The following SNX29 variants were observed in gnomAD, a reference collection of about 807,000 sequenced individuals.
SNX29 encodes sorting nexin-29.
Under a neutral mutation model 102.1 loss-of-function variants are expected in SNX29, and 78 were observed. The ratio of observed to expected loss-of-function variants is 0.76; its 90% CI spans 0.64 to 0.92. SNX29 has a LOEUF of 0.92. SNX29 is among the 40% of genes least tolerant of loss of function. The pLI is 0.00. For missense variants in SNX29, 1,280 were observed against 1,061.7 expected (o/e 1.21, Z -2.86); for synonymous variants, 580 against 414.5 (o/e 1.40, Z -4.85).
intron 18 of SNX29, among the ~76,000 whole-genome samples, chr16:12,404,821 G>C (rs1243012903): frequency 6.6e-6 from 1 of 152,128 alleles, no homozygotes; most frequent in Non-Finnish European, 1.5e-5. Context: ...GCCTGCAGTA[G>C]ACACTCTATT....
intron 14 of SNX29, among the ~76,000 whole-genome samples, chr16:12,214,994 C>T (rs2077283058): frequency 1.3e-5 from 2 of 152,190 alleles, no homozygotes; most frequent in Admixed American, 6.5e-5. Flanking sequence ...GCTTCCAAAA[C>T]AGTGCCTGGT....
intron 14 of SNX29, among the ~76,000 whole-genome samples, chr16:12,255,817 T>C (rs1195097369): frequency 1.3e-5 from 2 of 152,246 alleles, no homozygotes; most frequent in African/African-American, 4.8e-5. Context: ...CTATTGTGAA[T>C]AGTGCTGCAA....
intron 20 of SNX29, among the ~76,000 whole-genome samples, chr16:12,532,227 T>A (rs2076951044): frequency 6.6e-6 from 1 of 152,236 alleles, no homozygotes; most frequent in South Asian, 2.1e-4. Flanking sequence ...ATGTAAATTG[T>A]GTACTTTCTG....
intron 15 of SNX29, among the ~76,000 whole-genome samples, chr16:12,320,735 A>C (rs1242499045): frequency 6.6e-6 from 1 of 152,220 alleles, no homozygotes; most frequent in Non-Finnish European, 1.5e-5. Context: ...ATAAGAGAAC[A>C]ACATCACCAT....
chr16:11,990,020 G>A (rs145247662), intron 1 of SNX29, among the ~76,000 whole-genome samples: 4 of 152,332 alleles, frequency 2.6e-5, no homozygotes, highest in Non-Finnish European at 5.9e-5. Context: ...TGTCAGGTCT[G>A]TCACCTCTGA....
chr16:12,151,667 T>G (rs576001241), intron 13 of SNX29, among the ~76,000 whole-genome samples: 2 of 152,314 alleles, frequency 1.3e-5, no homozygotes, highest in Admixed American at 1.3e-4. Flanking sequence ...TCATTTCCCC[T>G]CCTCATTATG....
chr16:12,508,598 G>A (rs2089477052), intron 19 of SNX29, among the ~76,000 whole-genome samples: 1 of 152,246 alleles, frequency 6.6e-6, no homozygotes, highest in South Asian at 2.1e-4. Flanking sequence ...GGCCCTGCGA[G>A]CTCCTGCTCT....
At chr16:12,548,645 C>A (rs554173863) in intron 20 of SNX29, among the ~76,000 whole-genome samples, 2 of 152,222 alleles carry the variant, frequency 1.3e-5, no homozygotes, top group Non-Finnish European at 2.9e-5. Context: ...TCAGGGGCCT[C>A]ATTTGGTGTC....
chr16:12,313,920 A>G (rs1034532931), intron 15 of SNX29, among the ~76,000 whole-genome samples: 1 of 152,264 alleles, frequency 6.6e-6, no homozygotes, highest in South Asian at 2.1e-4. Flanking sequence ...CTGGCTGTTA[A>G]GTGGAGGGCC....
chr16:12,054,961 A>G (rs1450006374), intron 8 of SNX29, among the ~76,000 whole-genome samples: 2 of 152,096 alleles, frequency 1.3e-5, no homozygotes, highest in Middle Eastern at 3.4e-3. Context: ...TTTTTTTCCT[A>G]CGAGTGAACT....
intron 1 of SNX29, among the ~76,000 whole-genome samples, chr16:11,985,698 A>G (rs2055594747): frequency 6.6e-6 from 1 of 152,100 alleles, no homozygotes; most frequent in Non-Finnish European, 1.5e-5. Context: ...TGGATGGAGG[A>G]TGAACTTCAG....
intron 1 of SNX29, among the ~76,000 whole-genome samples, chr16:11,978,854 G>A (rs2055357755): frequency 6.6e-6 from 1 of 152,066 alleles, no homozygotes. Context: ...AAACCCCGGT[G>A]CCAGAGGTTG....
At chr16:12,276,182 C>T (rs1401459368) in intron 14 of SNX29, among the ~76,000 whole-genome samples, 1 of 152,150 alleles carries the variant, frequency 6.6e-6, no homozygotes, top group Non-Finnish European at 1.5e-5. Context: ...GTGTGAGCCA[C>T]CGCACCTGGC....
intron 16 of SNX29, among the ~76,000 whole-genome samples, chr16:12,380,802 A>C (rs1287087817): frequency 3.0e-5 from 2 of 67,752 alleles, no homozygotes; most frequent in Admixed American, 1.5e-4. Flanking sequence ...CCCACACACC[A>C]TCCATCCATC....
intron 20 of SNX29, chr16:12,527,276 C>G (rs1361944520): frequency 3.8e-6 from 2 of 532,478 alleles, no homozygotes; most frequent in Admixed American, 2.2e-5. Flanking sequence ...GTGATCGTGT[C>G]CTTTCTCCAT....
intron 8 of SNX29, among the ~76,000 whole-genome samples, chr16:12,058,743 C>A (rs375994873): frequency 6.6e-6 from 1 of 150,940 alleles, no homozygotes; most frequent in African/African-American, 2.4e-5. Flanking sequence ...ATCTACCCGC[C>A]ACGGCCTCCC....
At chr16:12,064,462 G>C (rs1197626177) in intron 9 of SNX29, among the ~76,000 whole-genome samples, 1 of 152,236 alleles carries the variant, frequency 6.6e-6, no homozygotes, top group Non-Finnish European at 1.5e-5. Context: ...TGGGACCCGA[G>C]CTCCAGCTGA....
intron 15 of SNX29, among the ~76,000 whole-genome samples, chr16:12,342,577 A>G (rs541310081): frequency 1.3e-5 from 2 of 152,324 alleles, no homozygotes; most frequent in South Asian, 2.1e-4. Context: ...CTGTGTGTCA[A>G]TCAAAGCTGT....
chr16:12,208,877 C>T (rs1386425492), intron 14 of SNX29, among the ~76,000 whole-genome samples: 1 of 151,268 alleles, frequency 6.6e-6, no homozygotes, highest in East Asian at 1.9e-4. Flanking sequence ...TCACTTGTTA[C>T]TCGTTTATTT....
Sources: gnomAD v4.1 joint callset for allele counts (sites outside exome capture counted in the v4.1 genomes callset) on GRCh38, gnomAD v4.1.1 for gene constraint, MANE v1.5 for transcripts, NCBI Gene and HGNC (gene_info 2026-07-23, HGNC 2026-07-21) for gene names.